NPAS3: variants seen among roughly 807,000 people sequenced by gnomAD.
NPAS3 encodes neuronal PAS domain protein 3.
In NPAS3, 14 loss-of-function variants were observed where a neutral mutation model predicts 73.1. The observed-to-expected ratio is 0.19, with a 90% CI of 0.13 to 0.30. The LOEUF is 0.30. Ranked by LOEUF, NPAS3 falls within the 10% of genes least tolerant of loss-of-function variation. The pLI is 1.00. For missense variants in NPAS3, 1,096 were observed against 1,250.0 expected (o/e 0.88, Z 1.86); for synonymous variants, 620 against 541.5 (o/e 1.14, Z -2.01).
intron 2 of NPAS3, among the ~76,000 whole-genome samples, chr14:33,121,127 A>G (rs2139035675): frequency 6.6e-6 from 1 of 152,106 alleles, no homozygotes; most frequent in South Asian, 2.1e-4. Flanking sequence ...CCCAAAATCA[A>G]GTCTGTCTTA....
At chr14:33,059,693 T>G (rs1195815537) in intron 2 of NPAS3, among the ~76,000 whole-genome samples, 1 of 152,224 alleles carries the variant, frequency 6.6e-6, no homozygotes, top group Non-Finnish European at 1.5e-5. Context: ...AAAGTTCTTT[T>G]CAAATTAAAA....
chr14:33,693,349 T>C (rs1461681221), intron 6 of NPAS3, among the ~76,000 whole-genome samples: 2 of 152,216 alleles, frequency 1.3e-5, no homozygotes. Context: ...AAGCTACAGT[T>C]GCATGCCTAC....
At chr14:33,491,701 A>G (rs2051908662) in intron 4 of NPAS3, among the ~76,000 whole-genome samples, 1 of 152,182 alleles carries the variant, frequency 6.6e-6, no homozygotes, top group Non-Finnish European at 1.5e-5. Flanking sequence ...AAGTACAGTA[A>G]TATGTTACTC....
chr14:33,277,275 C>A (rs1388860087), intron 3 of NPAS3, among the ~76,000 whole-genome samples: 2 of 152,146 alleles, frequency 1.3e-5, no homozygotes, highest in Non-Finnish European at 2.9e-5. Flanking sequence ...TGGGTGTTGA[C>A]AAGCAAGAAG....
chr14:33,630,130 A>G (rs2058337898), intron 5 of NPAS3, among the ~76,000 whole-genome samples: 2 of 152,132 alleles, frequency 1.3e-5, no homozygotes, highest in South Asian at 2.1e-4. Flanking sequence ...CCCCACATGT[A>G]TATCCACTGA....
intron 2 of NPAS3, among the ~76,000 whole-genome samples, chr14:33,180,818 A>T: frequency 6.6e-6 from 1 of 151,286 alleles, no homozygotes; most frequent in Admixed American, 6.6e-5. Context: ...AAAAAAAAAA[A>T]AAAAAAAGAC....
intron 8 of NPAS3, among the ~76,000 whole-genome samples, 182 bp downstream of exon 8, chr14:33,774,712 G>A (rs975043458): frequency 6.6e-6 from 1 of 152,112 alleles, no homozygotes; most frequent in Non-Finnish European, 1.5e-5. Flanking sequence ...TTGCTGCCCT[G>A]ATTTACGTTA....
intron 4 of NPAS3, among the ~76,000 whole-genome samples, chr14:33,388,034 G>C (rs892752545): frequency 6.6e-6 from 1 of 152,070 alleles, no homozygotes. Flanking sequence ...GTGCCATAGG[G>C]GTGTGACCTT....
At chr14:33,142,129 C>T (rs905741540) in intron 2 of NPAS3, among the ~76,000 whole-genome samples, 1 of 144,398 alleles carries the variant, frequency 6.9e-6, no homozygotes, top group South Asian at 2.2e-4. Flanking sequence ...CATTTTTAGC[C>T]TTAGTACTTT....
At chr14:32,989,435 G>A (rs2038225686) in intron 1 of NPAS3, among the ~76,000 whole-genome samples, 1 of 152,114 alleles carries the variant, frequency 6.6e-6, no homozygotes, top group Non-Finnish European at 1.5e-5. Flanking sequence ...ACGAGGTCAG[G>A]AGATCGAGAC....
At chr14:33,016,626 A>C (rs536440562) in intron 1 of NPAS3, among the ~76,000 whole-genome samples, 2,381 of 151,844 alleles carry the variant, frequency 0.016, 37 homozygotes, top group African/African-American at 0.04. Context: ...AAAAAAAAAA[A>C]AAAAAACGAC....
chr14:33,211,015 A>G (rs2047013863), intron 2 of NPAS3, among the ~76,000 whole-genome samples: 2 of 152,202 alleles, frequency 1.3e-5, no homozygotes, highest in South Asian at 4.1e-4. Flanking sequence ...GAAGGAAAGA[A>G]CAATCAATGT....
rs551096451 is a variant in NPAS3 at position 33,051,651 on chromosome 14, G to A, written c.51-4254G>A. Among the ~76,000 whole-genome samples, 106 of 152,304 alleles carry A rather than the reference G, an allele frequency of 7.0e-4. 1 individual carries two copies. Among genetic ancestry groups the A allele is most frequent in the Admixed American group, 2.7e-3 (42 of 15,296 alleles). The stretch of plus-strand genomic sequence containing the variant: ...CCCTGGCTATCAGAAAACAGAGAAC[G>A]GATACCTTGGTGAAGAAACTGTGTT... On this transcript the variant is annotated intron_variant, in intron 1 of 11. Coordinates refer to ENST00000356141, the Ensembl canonical transcript of NPAS3.
chr14:33,665,113 C>T (rs1321319891), intron 5 of NPAS3, among the ~76,000 whole-genome samples: 1 of 152,226 alleles, frequency 6.6e-6, no homozygotes, highest in Non-Finnish European at 1.5e-5. Context: ...ATCCCAGATG[C>T]CCATCGATGA....
intron 3 of NPAS3, among the ~76,000 whole-genome samples, chr14:33,299,463 A>C (rs1006231860): frequency 5.3e-5 from 8 of 152,154 alleles, no homozygotes; most frequent in African/African-American, 1.4e-4. Flanking sequence ...CAGCCATCTT[A>C]CCACCTCATA....
At chr14:33,211,316 C>G (rs1031188539) in intron 2 of NPAS3, among the ~76,000 whole-genome samples, 1 of 152,176 alleles carries the variant, frequency 6.6e-6, no homozygotes, top group African/African-American at 2.4e-5. Flanking sequence ...CGTGGTGGCT[C>G]ACGTCAGTAA....
At chr14:33,795,509 A>G (rs2138647919) in intron 10 of NPAS3, among the ~76,000 whole-genome samples, 1 of 152,344 alleles carries the variant, frequency 6.6e-6, no homozygotes, top group South Asian at 2.1e-4. Context: ...TGTGGCACTG[A>G]CATTCTTTTG....
intron 3 of NPAS3, among the ~76,000 whole-genome samples, chr14:33,306,140 T>C (rs954985022): frequency 1.3e-5 from 2 of 152,306 alleles, no homozygotes; most frequent in Admixed American, 6.5e-5. Flanking sequence ...ATCCATGATA[T>C]AACGATATAA....
chr14:33,792,619 A>T (rs1380366833), intron 9 of NPAS3, among the ~76,000 whole-genome samples: 1 of 152,024 alleles, frequency 6.6e-6, no homozygotes, highest in South Asian at 2.1e-4. Flanking sequence ...GTACTTCATG[A>T]AACTGTTGTA....
Sources: gnomAD v4.1 joint callset for allele counts (sites outside exome capture counted in the v4.1 genomes callset) on GRCh38, gnomAD v4.1.1 for gene constraint, MANE v1.5 for transcripts, NCBI Gene and HGNC (gene_info 2026-07-23, HGNC 2026-07-21) for gene names.